Variants in WDPCP observed in about 807,000 individuals in gnomAD.
WDPCP encodes WD repeat containing planar cell polarity effector.
Under a neutral mutation model 93.1 loss-of-function variants are expected in WDPCP, and 71 were observed. The observed-to-expected ratio is 0.76, with a 90% CI of 0.63 to 0.93. WDPCP has a LOEUF of 0.93. WDPCP is among the 40% of genes least tolerant of loss of function. The pLI, the probability that WDPCP is intolerant of heterozygous loss-of-function variation, is 0.00. For synonymous variants in WDPCP, 315 were observed against 315.0 expected, an observed-to-expected ratio of 1.00 and a Z score of 0.00; for missense variants, 844 against 887.4, an observed-to-expected ratio of 0.95 and a Z score of 0.62.
chr2:63,600,994 C>T (rs1033514230), intron 3 of WDPCP, among the ~76,000 whole-genome samples: 1 of 152,168 alleles, frequency 6.6e-6, no homozygotes, highest in Non-Finnish European at 1.5e-5. Context: ...AATTCTGCTT[C>T]CAAAGGTACT....
intron 6 of WDPCP, among the ~76,000 whole-genome samples, chr2:63,467,720 G>A (rs1699434416): frequency 6.7e-6 from 1 of 148,646 alleles, no homozygotes; most frequent in African/African-American, 2.5e-5. Flanking sequence ...AGGTTGCAGT[G>A]AGCGAAGATT....
chr2:63,404,750 A>G (rs1409106096), intron 9 of WDPCP, 93 bp from the exon 10 acceptor site: 5 of 1,509,722 alleles, frequency 3.3e-6, no homozygotes, highest in African/African-American at 2.7e-5. Context: ...AACCTATTAA[A>G]GAAAATCAAT....
chr2:63,128,772 G>A (rs548492142), intron 17 of WDPCP, among the ~76,000 whole-genome samples: 57 of 152,164 alleles, frequency 3.7e-4, no homozygotes, highest in Non-Finnish European at 7.9e-4. Flanking sequence ...GGGTTCAAGC[G>A]ATTCTCCTGC....
At chr2:63,571,505 C>G (rs919502744) in intron 1 of WDPCP, 4 of 468,846 alleles carry the variant, frequency 8.5e-6, no homozygotes, top group African/African-American at 2.0e-5. Flanking sequence ...TTTGTTTATT[C>G]GGTGATACTC....
chr2:63,634,642 T>C (rs892838976), intron 3 of WDPCP, among the ~76,000 whole-genome samples: 1 of 152,028 alleles, frequency 6.6e-6, no homozygotes, highest in African/African-American at 2.4e-5. Flanking sequence ...TCTTAACAAA[T>C]TTAAGAAGCC....
intron 2 of WDPCP, among the ~76,000 whole-genome samples, chr2:63,668,228 C>T (rs1401743697): frequency 1.3e-5 from 2 of 152,178 alleles, no homozygotes; most frequent in Non-Finnish European, 2.9e-5. Context: ...CTGGCCATCT[C>T]TCCCTGGCTG....
At chr2:63,702,318 G>A (rs1158515235) in intron 2 of WDPCP, among the ~76,000 whole-genome samples, 1 of 152,138 alleles carries the variant, frequency 6.6e-6, no homozygotes, top group Non-Finnish European at 1.5e-5. Context: ...GAGCCACCGT[G>A]CCCAGCCAAA....
In WDPCP at chr2:63,120,729, T is replaced by C. The variant is rs1483679976; in HGVS notation, c.*1277A>G. Among the ~76,000 whole-genome samples, 4 of 149,080 alleles carry C rather than the reference T, an allele frequency of 2.7e-5. No individual in the cohort carries two copies. The highest frequency in any genetic ancestry group is 2.1e-4 in the South Asian group (1 of 4,670). ...TTTTGTATTTTTAGTAGAGACGGGG[T>C]TTCACCATGTTGTCTAGGATGGTCT... On this transcript the variant is annotated 3_prime_UTR_variant, in exon 18 of 18. Transcript: ENST00000272321.
At chr2:63,826,681 G>A (rs1263092623) in intron 1 of WDPCP, among the ~76,000 whole-genome samples, 2 of 152,092 alleles carry the variant, frequency 1.3e-5, no homozygotes, top group Non-Finnish European at 2.9e-5. Context: ...AAATGATAAT[G>A]CAGATAAGAG....
chr2:63,392,937 G>A (rs889767394), intron 10 of WDPCP, among the ~76,000 whole-genome samples: 1 of 152,224 alleles, frequency 6.6e-6, no homozygotes, highest in African/African-American at 2.4e-5. Context: ...TACACTGTTG[G>A]TGGGACTGTA....
chr2:63,747,593 A>T (rs57170440), intron 2 of WDPCP, among the ~76,000 whole-genome samples: 4,747 of 151,924 alleles, frequency 0.031, 255 homozygotes, highest in African/African-American at 0.11. Flanking sequence ...GTATCTATAT[A>T]TGTCAGTGTC....
intron 15 of WDPCP, among the ~76,000 whole-genome samples, chr2:63,164,233 G>A (rs1423990456): frequency 6.6e-6 from 1 of 152,054 alleles, no homozygotes; most frequent in Middle Eastern, 3.2e-3. Context: ...TTAGTCCTAG[G>A]ATCATTCATT....
At chr2:63,736,549 A>G (rs558011872) in intron 2 of WDPCP, among the ~76,000 whole-genome samples, 56 of 152,304 alleles carry the variant, frequency 3.7e-4, no homozygotes, top group African/African-American at 1.2e-3. Flanking sequence ...ATAGAATTCA[A>G]TTTAGGATTT....
At chr2:63,601,938 G>A (rs1332879157) in intron 3 of WDPCP, among the ~76,000 whole-genome samples, 1 of 152,120 alleles carries the variant, frequency 6.6e-6, no homozygotes, top group Admixed American at 6.5e-5. Flanking sequence ...AGTTCTTTCT[G>A]GTCATGGCAG....
At chr2:63,547,822 G>A (rs1705269054) in intron 1 of WDPCP, among the ~76,000 whole-genome samples, 2 of 151,958 alleles carry the variant, frequency 1.3e-5, no homozygotes, top group African/African-American at 4.8e-5. Flanking sequence ...AGGTGGGGTG[G>A]GGGATGATGA....
chr2:63,202,594 C>G (rs1266746810), intron 14 of WDPCP, among the ~76,000 whole-genome samples: 1 of 152,086 alleles, frequency 6.6e-6, no homozygotes, highest in Non-Finnish European at 1.5e-5. Flanking sequence ...CTTTCTATCT[C>G]TACTTGCAGC....
chr2:63,295,969 A>G (rs958921186), intron 13 of WDPCP, among the ~76,000 whole-genome samples: 15 of 152,096 alleles, frequency 9.9e-5, no homozygotes, highest in African/African-American at 3.6e-4. Context: ...TACCAAAATC[A>G]TGCAAAGACA....
At chr2:63,347,633 G>C (rs968116060) in intron 12 of WDPCP, among the ~76,000 whole-genome samples, 1 of 152,104 alleles carries the variant, frequency 6.6e-6, no homozygotes. Context: ...CCATGTTGTA[G>C]TCATGGAAAA....
intron 2 of WDPCP, among the ~76,000 whole-genome samples, chr2:63,672,290 C>G (rs927987331): frequency 1.3e-5 from 2 of 152,118 alleles, no homozygotes; most frequent in African/African-American, 2.4e-5. Flanking sequence ...CATCTTGGAT[C>G]AAAAAGAAAG....
Sources: allele counts gnomAD v4.1 joint callset (sites outside exome capture counted in the v4.1 genomes callset), GRCh38; gene constraint gnomAD v4.1.1; transcripts MANE v1.5; gene names NCBI Gene and HGNC (gene_info 2026-07-23, HGNC 2026-07-21).